Variants in NKAIN2 observed in about 807,000 individuals in gnomAD.
NKAIN2 encodes the protein sodium/potassium transporting ATPase interacting 2, also known as sodium/potassium-transporting ATPase subunit beta-1-interacting protein 2.
NKAIN2 carries 14 observed loss-of-function variants against 32.6 expected under a neutral mutation model. The ratio of observed to expected loss-of-function variants is 0.43; its 90% CI spans 0.28 to 0.67. The LOEUF (loss-of-function observed/expected upper bound fraction) is 0.67. Among genes scored for constraint, NKAIN2 ranks in the 30% least tolerant of loss-of-function variants. The pLI, the probability that NKAIN2 is intolerant of heterozygous loss-of-function variation, is 0.17. For synonymous variants in NKAIN2, 80 were observed against 87.2 expected (o/e 0.92, Z 0.46); for missense variants, 198 against 258.3 (o/e 0.77, Z 1.60).
At chr6:123,813,591 C>A (rs1773569481) in intron 1 of NKAIN2, among the ~76,000 whole-genome samples, 1 of 152,100 alleles carries the variant, frequency 6.6e-6, no homozygotes. Flanking sequence ...GCCGGTAGAT[C>A]ACCTGAGGTC....
At chr6:124,048,495 T>C (rs1165833288) in intron 1 of NKAIN2, among the ~76,000 whole-genome samples, 1 of 151,960 alleles carries the variant, frequency 6.6e-6, no homozygotes, top group African/African-American at 2.4e-5. Context: ...ATAAGAAAGA[T>C]TTAACTATTT....
intron 3 of NKAIN2, among the ~76,000 whole-genome samples, chr6:124,359,242 A>G (rs997843388): frequency 6.7e-6 from 1 of 150,050 alleles, no homozygotes; most frequent in Non-Finnish European, 1.5e-5. Context: ...CTTAGGATTG[A>G]CTTGGCAATG....
At chr6:124,641,695 G>A (rs1784000556) in intron 3 of NKAIN2, among the ~76,000 whole-genome samples, 1 of 151,448 alleles carries the variant, frequency 6.6e-6, no homozygotes, top group Admixed American at 6.6e-5. Flanking sequence ...GGGACTACAG[G>A]TGTGCACCAC....
intron 1 of NKAIN2, among the ~76,000 whole-genome samples, chr6:124,018,290 T>G (rs933400893): frequency 1.3e-5 from 2 of 152,142 alleles, no homozygotes; most frequent in African/African-American, 2.4e-5. Flanking sequence ...TATTTCCTTC[T>G]ACACTCTGGG....
intron 1 of NKAIN2, among the ~76,000 whole-genome samples, chr6:123,883,955 A>G (rs1008180591): frequency 1.3e-5 from 2 of 148,380 alleles, no homozygotes; most frequent in African/African-American, 4.9e-5. Flanking sequence ...TTAAATTATT[A>G]TTATTTTTAA....
chr6:124,439,867 C>T (rs933124203), intron 3 of NKAIN2, among the ~76,000 whole-genome samples: 11 of 151,940 alleles, frequency 7.2e-5, no homozygotes, highest in Non-Finnish European at 1.3e-4. Context: ...TATCTCCTTC[C>T]TCTCTCGACT....
intron 3 of NKAIN2, among the ~76,000 whole-genome samples, chr6:124,568,259 C>T (rs959587214): frequency 2.0e-5 from 3 of 152,182 alleles, no homozygotes; most frequent in African/African-American, 7.2e-5. Context: ...ATAATTCAAT[C>T]TCCCATATCA....
At chr6:124,616,546 G>T (rs1205532284) in intron 3 of NKAIN2, among the ~76,000 whole-genome samples, 2 of 123,522 alleles carry the variant, frequency 1.6e-5, no homozygotes, top group East Asian at 2.3e-4. Context: ...CTCACTGAAA[G>T]CTCCGCCTCC....
intron 1 of NKAIN2, among the ~76,000 whole-genome samples, chr6:123,841,890 A>C (rs376477325): frequency 2.0e-5 from 3 of 152,326 alleles, no homozygotes; most frequent in South Asian, 2.1e-4. Flanking sequence ...AAGCAACTAT[A>C]GGATGACTTA....
At chr6:124,616,880 G>A (rs1426964548) in intron 3 of NKAIN2, among the ~76,000 whole-genome samples, 1 of 151,866 alleles carries the variant, frequency 6.6e-6, no homozygotes, top group Non-Finnish European at 1.5e-5. Flanking sequence ...TGACATATGC[G>A]TGGTTATCCT....
At chr6:123,942,263 A>G (rs942163995) in intron 1 of NKAIN2, among the ~76,000 whole-genome samples, 1 of 152,038 alleles carries the variant, frequency 6.6e-6, no homozygotes, top group Admixed American at 6.6e-5. Flanking sequence ...GAATAGGAAT[A>G]ATCAAATGAA....
chr6:124,610,910 T>C (rs1399665171), intron 3 of NKAIN2, among the ~76,000 whole-genome samples: 3 of 152,166 alleles, frequency 2.0e-5, no homozygotes, highest in Non-Finnish European at 4.4e-5. Context: ...ACAAGTTCTA[T>C]TGTAACCTTA....
chr6:124,182,375 T>C (rs1035291086), intron 1 of NKAIN2, among the ~76,000 whole-genome samples: 6 of 152,194 alleles, frequency 3.9e-5, no homozygotes, highest in Admixed American at 2.0e-4. Flanking sequence ...CAAATATTTT[T>C]AAAAACAAGT....
Position 124,604,901 on chromosome 6 carries a change from A to T in NKAIN2, c.274-53285A>T, listed in dbSNP as rs1372216062. Among the ~76,000 whole-genome samples, 6 of 152,018 alleles carry T rather than the reference A, an allele frequency of 3.9e-5. No homozygotes were observed. In the East Asian group the frequency reaches 1.2e-3, roughly 29 times the overall value. The stretch of plus-strand genomic sequence containing the variant: ...TTGAGGGCAAGATCTCTGCTGATTC[A>T]TTGCTCCATCCCAAATAGCTCCTGG... On this transcript the variant is annotated intron_variant, in intron 3 of 6. Transcript: ENST00000368417.
At chr6:124,592,217 C>G (rs1051222879) in intron 3 of NKAIN2, among the ~76,000 whole-genome samples, 3 of 152,030 alleles carry the variant, frequency 2.0e-5, no homozygotes, top group Admixed American at 1.3e-4. Context: ...GAGGACAAAA[C>G]AAAAGAAACA....
intron 1 of NKAIN2, chr6:124,121,891 A>T (rs1375560827): frequency 9.7e-6 from 12 of 1,240,010 alleles, no homozygotes; most frequent in Non-Finnish European, 1.3e-5. Flanking sequence ...CTGAAGATGG[A>T]TGGGGATCAT....
At chr6:124,251,883 G>T (rs952819556) in intron 1 of NKAIN2, among the ~76,000 whole-genome samples, 1 of 151,894 alleles carries the variant, frequency 6.6e-6, no homozygotes, top group African/African-American at 2.4e-5. Flanking sequence ...AAAACCTATA[G>T]AAATTTTTGA....
intron 1 of NKAIN2, among the ~76,000 whole-genome samples, chr6:124,271,308 C>T (rs1162144939): frequency 3.9e-5 from 6 of 152,126 alleles, no homozygotes; most frequent in African/African-American, 1.4e-4. Flanking sequence ...GCTCCACCTC[C>T]CGGGTTCACG....
intron 2 of NKAIN2, among the ~76,000 whole-genome samples, chr6:124,335,547 G>A (rs1478160851): frequency 6.6e-6 from 1 of 152,114 alleles, no homozygotes; most frequent in African/African-American, 2.4e-5. Flanking sequence ...CTGATGAGAG[G>A]AAACCACTTA....
Sources: gnomAD v4.1 joint callset for allele counts (sites outside exome capture counted in the v4.1 genomes callset) on GRCh38, gnomAD v4.1.1 for gene constraint, MANE v1.5 for transcripts, NCBI Gene and HGNC (gene_info 2026-07-23, HGNC 2026-07-21) for gene names.